FBLN1: variants seen among roughly 807,000 people sequenced by gnomAD.
FBLN1 encodes the protein fibulin 1, also known as fibulin-1.
FBLN1 carries 34 observed loss-of-function variants against 89.7 expected under a neutral mutation model. The ratio of observed to expected loss-of-function variants is 0.38; its 90% CI spans 0.29 to 0.50. FBLN1 has a LOEUF of 0.50. Among genes scored for constraint, FBLN1 ranks in the 20% least tolerant of loss-of-function variants. The pLI is 0.92. For synonymous variants in FBLN1, 393 were observed against 391.3 expected, an observed-to-expected ratio of 1.00 and a Z score of -0.05; for missense variants, 777 against 988.1, an observed-to-expected ratio of 0.79 and a Z score of 2.86.
chr22:45,551,945 C>T (rs1482454828), intron 14 of FBLN1, among the ~76,000 whole-genome samples: 1 of 152,242 alleles, frequency 6.6e-6, no homozygotes, highest in Non-Finnish European at 1.5e-5. Flanking sequence ...GGGGAGGCTG[C>T]CCTGCACAGG....
intron 14 of FBLN1, among the ~76,000 whole-genome samples, chr22:45,571,205 G>C (rs994678253): frequency 6.7e-6 from 1 of 149,136 alleles, no homozygotes; most frequent in African/African-American, 2.5e-5. Context: ...ATTTATAAAG[G>C]AAAAAAAATG....
chr22:45,591,849 G>A (rs1252849314), intron 16 of FBLN1, among the ~76,000 whole-genome samples: 1 of 131,662 alleles, frequency 7.6e-6, no homozygotes, highest in African/African-American at 2.7e-5. Context: ...CAGGAGGAAG[G>A]AAGTGTCCTG....
At chr22:45,526,850 T>G (rs998081160) in intron 3 of FBLN1, among the ~76,000 whole-genome samples, 1 of 142,728 alleles carries the variant, frequency 7.0e-6, no homozygotes, top group East Asian at 2.4e-4. Context: ...CAACACCCAA[T>G]GCAGGGCTGG....
intron 11 of FBLN1, among the ~76,000 whole-genome samples, chr22:45,546,121 G>GTGAGC (rs745868746): frequency 1.3e-5 from 2 of 152,114 alleles, no homozygotes; most frequent in East Asian, 1.9e-4. Context: ...GGAGATTGCA[G>GTGAGC]TGAGCTGAGA....
At position 45,549,494 on chromosome 22, in the gene FBLN1, G is replaced by A. The variant is rs559891466; in HGVS notation, c.1573+750G>A. Among the ~76,000 whole-genome samples, 28 of 152,260 alleles carry A rather than the reference G, an allele frequency of 1.8e-4. No individual in the cohort carries two copies. The highest frequency in any genetic ancestry group is 1.1e-3 in the Admixed American group (17 of 15,298). On this transcript the variant is annotated intron_variant, in intron 13 of 16. Coordinates refer to ENST00000327858, the MANE Select transcript of FBLN1 (RefSeq NM_006486.3). This position sits in a 1 kb window ranked among gnomAD's most constrained non-coding sequence, Gnocchi z 5.7. ...TTGATGAAAGGCAGGCAGGAGCTGCGGTGTTTCCTGGGAGGCCCCCTCCGC... is the reference window on the plus strand; with the variant it reads ...TTGATGAAAGGCAGGCAGGAGCTGCAGTGTTTCCTGGGAGGCCCCCTCCGC...
chr22:45,596,012 GGC>G (rs1199004655), intron 16 of FBLN1, among the ~76,000 whole-genome samples: 2 of 152,148 alleles, frequency 1.3e-5, no homozygotes, highest in Admixed American at 1.3e-4. Flanking sequence ...TGGGACTGCA[GGC>G]GTGTCCCACC....
chr22:45,542,881 C>T (rs1012953657), intron 10 of FBLN1, among the ~76,000 whole-genome samples: 2 of 152,260 alleles, frequency 1.3e-5, no homozygotes, highest in Admixed American at 6.5e-5. Context: ...GCACGAGGCT[C>T]GCCCACCAGG....
At chr22:45,526,824 C>T (rs1172207566) in intron 3 of FBLN1, among the ~76,000 whole-genome samples, 2 of 152,146 alleles carry the variant, frequency 1.3e-5, no homozygotes, top group Non-Finnish European at 2.9e-5. Context: ...CATGACTGCC[C>T]CCGCACCCTC....
At chr22:45,512,277 G>A (rs1250359452) in intron 1 of FBLN1, among the ~76,000 whole-genome samples, 1 of 152,018 alleles carries the variant, frequency 6.6e-6, no homozygotes, top group African/African-American at 2.4e-5. Context: ...TGTACAAATG[G>A]CCTTGATTTG....
At chr22:45,552,176 G>T (rs1341399481) in intron 14 of FBLN1, among the ~76,000 whole-genome samples, 1 of 152,244 alleles carries the variant, frequency 6.6e-6, no homozygotes, top group African/African-American at 2.4e-5. Context: ...TCCGCCTTCG[G>T]CGTGTGTGCT....
intron 2 of FBLN1, among the ~76,000 whole-genome samples, chr22:45,521,021 G>T (rs2088243265): frequency 6.6e-6 from 1 of 152,030 alleles, no homozygotes; most frequent in Admixed American, 6.5e-5. Context: ...TCACCGTGTT[G>T]GCCAGGCTGG....
chr22:45,510,712 A>G (rs1484204245), intron 1 of FBLN1, among the ~76,000 whole-genome samples: 1 of 152,096 alleles, frequency 6.6e-6, no homozygotes, highest in Non-Finnish European at 1.5e-5. Context: ...GCACGTGGCC[A>G]TATCCTTCCT....
intron 9 of FBLN1, 115 bp from the exon 10 acceptor site, chr22:45,542,040 T>A (rs2088562203): frequency 6.7e-7 from 1 of 1,502,834 alleles, no homozygotes; most frequent in East Asian, 2.3e-5. Flanking sequence ...CGTGTTGAAA[T>A]GGAATGCCTG....
Position 45,549,804 on chromosome 22 carries a change from AGG to A in FBLN1, c.1574-685_1574-684del, listed in dbSNP as rs2088678289. ...GGAGTTGGGCTGCTCCCCCATCTCC[AGG>A]GGCCTCTCAGTGTGGTGCCCCAGGC... is the stretch of plus-strand genomic sequence containing the variant. On this transcript the variant is annotated intron_variant, in intron 13 of 16. Coordinates refer to ENST00000327858, the MANE Select transcript of FBLN1 (RefSeq NM_006486.3). This position sits in a 1 kb window ranked among gnomAD's most constrained non-coding sequence, Gnocchi z 5.7. Among the ~76,000 whole-genome samples the A allele has an allele frequency of 6.6e-6, 1 of 152,098 alleles. No individual in the cohort carries two copies. Among genetic ancestry groups the A allele is most frequent in the South Asian group, 2.1e-4 (1 of 4,824 alleles).
At chr22:45,516,970 G>T in intron 1 of FBLN1, among the ~76,000 whole-genome samples, 1 of 152,240 alleles carries the variant, frequency 6.6e-6, no homozygotes, top group East Asian at 1.9e-4. Context: ...GAATGTTTCT[G>T]CAAGTTTCCC....
At chr22:45,596,384 C>T (rs2089186284) in intron 16 of FBLN1, among the ~76,000 whole-genome samples, 1 of 152,180 alleles carries the variant, frequency 6.6e-6, no homozygotes, top group African/African-American at 2.4e-5. Flanking sequence ...AGACTGACCC[C>T]TGAGGACAGA....
At position 45,550,009 on chromosome 22, in the gene FBLN1, G is replaced by A. The variant is rs2088681289; in HGVS notation, c.1574-483G>A. Among the ~76,000 whole-genome samples, 1 of 152,164 alleles carries A rather than the reference G, an allele frequency of 6.6e-6. No individual in the cohort carries two copies. Among genetic ancestry groups the A allele is most frequent in the African/African-American group, 2.4e-5 (1 of 41,438 alleles). On this transcript the variant is annotated intron_variant, in intron 13 of 16. Coordinates refer to ENST00000327858, the MANE Select transcript of FBLN1 (RefSeq NM_006486.3). The surrounding 1 kb of genome is among the most constrained non-coding windows in gnomAD (Gnocchi z 8.4). Reference sequence around the variant, plus strand: ...GTCACACCTAGGGTAAGGGTGCTGAGCCTCGGGAGCCACAGAGAGGCTCTG... The same window carrying A: ...GTCACACCTAGGGTAAGGGTGCTGAACCTCGGGAGCCACAGAGAGGCTCTG...
chr22:45,526,295 C>T (rs890286012), intron 3 of FBLN1, among the ~76,000 whole-genome samples: 3 of 152,188 alleles, frequency 2.0e-5, no homozygotes, highest in Admixed American at 6.5e-5. Context: ...TAGGACCCTA[C>T]GTGCTAGCAG....
At chr22:45,518,135 AAAAAAAAG>A (rs2088195128) in intron 1 of FBLN1, among the ~76,000 whole-genome samples, 1 of 142,828 alleles carries the variant, frequency 7.0e-6, no homozygotes, top group African/African-American at 3.0e-5. Flanking sequence ...CTCAAAAAAA[AAAAAAAAG>A]AAAAAAAAAG....
Sources: gnomAD v4.1 joint callset for allele counts (sites outside exome capture counted in the v4.1 genomes callset) on GRCh38, gnomAD v4.1.1 for gene constraint, Gnocchi (gnomAD v3.1) non-coding constraint, MANE v1.5 for transcripts, NCBI Gene and HGNC (gene_info 2026-07-23, HGNC 2026-07-21) for gene names.